SBSPON: variants seen among roughly 807,000 people sequenced by gnomAD.
The protein encoded by SBSPON is somatomedin-B and thrombospondin type-1 domain-containing protein.
Under a neutral mutation model 35.8 loss-of-function variants are expected in SBSPON, and 30 were observed. The ratio of observed to expected loss-of-function variants is 0.84; its 90% confidence interval spans 0.63 to 1.14. The LOEUF is 1.14. Ranked by LOEUF, SBSPON falls within the 50% of genes most tolerant of loss-of-function variation. The probability of loss-of-function intolerance (pLI) is 0.00; values close to 1 mark genes in which losing one functional copy is unlikely to be tolerated. For synonymous variants in SBSPON, 136 were observed against 135.9 expected (o/e 1.00, Z 0.00); for missense variants, 364 against 357.7 (o/e 1.02, Z -0.14).
chr8:73,089,649 G>C (rs1009906640), intron 1 of SBSPON, among the ~76,000 whole-genome samples: 2 of 152,204 alleles, frequency 1.3e-5, no homozygotes, highest in Middle Eastern at 3.4e-3. Flanking sequence ...ATGTATTTAT[G>C]ATTTAATATT....
At chr8:73,091,820 A>C (rs1482406893) in intron 1 of SBSPON, among the ~76,000 whole-genome samples, 1 of 152,220 alleles carries the variant, frequency 6.6e-6, no homozygotes, top group African/African-American at 2.4e-5. Flanking sequence ...CACGGGTTGA[A>C]GCCCTCTTCA....
rs935413048 is a variant in SBSPON, at chr8:73,069,978, G to A, written c.504C>T (p.Tyr168=). ...AGGACTCTGTCTTAAACTCCATACA[G>A]TATCTACAGCAAAAGAAGTAACAAT... ...HWSTHTEDAG[Y]CMEFKTESLT... is the part of the protein sequence containing the mutation. Residue 168 remains tyrosine, a synonymous_variant, in exon 4 of 5, where the codon TAC becomes TAT. Transcript: ENST00000297354. 1 of 1,563,222 alleles carries A rather than the reference G, an allele frequency of 6.4e-7. No homozygotes were observed. Among genetic ancestry groups the A allele is most frequent in the Non-Finnish European group, 8.7e-7 (1 of 1,152,326 alleles).
At chr8:73,081,660 AAG>A (rs1360984018) in intron 1 of SBSPON, among the ~76,000 whole-genome samples, 1 of 152,202 alleles carries the variant, frequency 6.6e-6, no homozygotes, top group Non-Finnish European at 1.5e-5. Flanking sequence ...AAGTATAAAA[AAG>A]AAAATGTACT....
At chr8:73,080,279 C>T (rs1032208192) in intron 2 of SBSPON, among the ~76,000 whole-genome samples, 4 of 152,154 alleles carry the variant, frequency 2.6e-5, no homozygotes, top group African/African-American at 9.7e-5. Context: ...CTTTGGGAGG[C>T]TGAGGCGGGT....
chr8:73,065,907 TCA>T lies in SBSPON; in HGVS notation c.*1432_*1433del, dbSNP rs1810379830. ...TTAAAGTTGCTAGCCTTGATGAGAC[TCA>T]CATATTTTATTATTAATTTCTGAAG... is the stretch of plus-strand genomic sequence containing the variant. On this transcript the variant is annotated 3_prime_UTR_variant, in exon 5 of 5. Coordinates refer to ENST00000297354, the MANE Select transcript of SBSPON (RefSeq NM_153225.4). The T allele has an allele frequency of 6.6e-6, 1 of 152,212 alleles. No individual in the cohort carries two copies. Among genetic ancestry groups the T allele is most frequent in the South Asian group, 2.1e-4 (1 of 4,834 alleles). 9.4% of individuals were successfully genotyped at this position (152,212 alleles called of 1,614,324 possible).
intron 4 of SBSPON, among the ~76,000 whole-genome samples, chr8:73,069,304 A>G (rs572149608): frequency 7.9e-4 from 120 of 151,340 alleles, no homozygotes; most frequent in African/African-American, 2.7e-3. Flanking sequence ...TTTCTTCTGG[A>G]GACAGAGTCT....
intron 1 of SBSPON, 150 bp downstream of exon 1, chr8:73,092,704 G>A: frequency 1.6e-6 from 1 of 611,720 alleles, no homozygotes; most frequent in Non-Finnish European, 2.9e-6. Context: ...GGAGCCGGGC[G>A]TACCTGGATG....
chr8:73,075,150 C>T (rs1810568697), intron 2 of SBSPON, among the ~76,000 whole-genome samples: 1 of 152,222 alleles, frequency 6.6e-6, no homozygotes. Context: ...GCTAGGATTA[C>T]AGGCATCTGC....
intron 2 of SBSPON, among the ~76,000 whole-genome samples, chr8:73,072,710 A>AC (rs749856914): frequency 1.3e-5 from 2 of 152,146 alleles, no homozygotes; most frequent in African/African-American, 2.4e-5. Flanking sequence ...AAAGAAGGTG[A>AC]GTCTTCCCCA....
At chr8:73,070,465 C>T (rs1050008551) in intron 3 of SBSPON, among the ~76,000 whole-genome samples, 4 of 152,174 alleles carry the variant, frequency 2.6e-5, no homozygotes, top group Non-Finnish European at 4.4e-5. Context: ...CGAAAGTACC[C>T]GGGATCTTCC....
intron 1 of SBSPON, among the ~76,000 whole-genome samples, chr8:73,091,322 G>C (rs186495217): frequency 1.7e-3 from 256 of 152,306 alleles, no homozygotes; most frequent in Non-Finnish European, 3.1e-3. Context: ...TTCCAGGTCA[G>C]CTCCTGGATC....
At position 73,070,809 on chromosome 8, in the gene SBSPON, C is replaced by T. The variant is rs888089809; in HGVS notation, c.501-828G>A. Among the ~76,000 whole-genome samples, 6 of 152,274 alleles carry T rather than the reference C, an allele frequency of 3.9e-5. No individual in the cohort carries two copies. In the South Asian group the frequency reaches 8.3e-4, roughly 21 times the overall value. ...ACAGAAACTTGTGGCATTTTCAGTT[C>T]CATGGGCTAATTTCTTACCCATACA... On this transcript the variant is annotated intron_variant, in intron 3 of 4. Coordinates refer to ENST00000297354, the MANE Select transcript of SBSPON (RefSeq NM_153225.4).
chr8:73,074,830 C>T lies in SBSPON; in HGVS notation c.410-2960G>A, dbSNP rs148462543. ...GGGTCACCCTCTGGGTACCATGGCC[C>T]CTGGTATGTGTATAGCCTGCTCATT... On this transcript the variant is annotated intron_variant, in intron 2 of 4. Transcript: ENST00000297354. Among the ~76,000 whole-genome samples, 590 of 152,266 alleles carry T rather than the reference C, an allele frequency of 3.9e-3. 1 individual carries two copies. Among genetic ancestry groups the T allele is most frequent in the Non-Finnish European group, 6.7e-3 (457 of 68,030 alleles).
intron 3 of SBSPON, among the ~76,000 whole-genome samples, chr8:73,070,700 A>G (rs1362850441): frequency 6.6e-6 from 1 of 152,226 alleles, no homozygotes; most frequent in Admixed American, 6.5e-5. Flanking sequence ...TCCAGACATG[A>G]GGAATATTTT....
chr8:73,086,354 G>T (rs538247636), intron 1 of SBSPON, among the ~76,000 whole-genome samples: 1 of 152,196 alleles, frequency 6.6e-6, no homozygotes, highest in African/African-American at 2.4e-5. Context: ...TAGAGATGGG[G>T]TTTTGCCATG....
chr8:73,087,586 A>ACT (rs1328601209), intron 1 of SBSPON, among the ~76,000 whole-genome samples: 1 of 151,802 alleles, frequency 6.6e-6, no homozygotes, highest in African/African-American at 2.4e-5. Context: ...TAAAGCCTCA[A>ACT]CTCTCTAAAT....
chr8:73,085,089 A>G (rs1810798451), intron 1 of SBSPON, among the ~76,000 whole-genome samples: 1 of 152,148 alleles, frequency 6.6e-6, no homozygotes, highest in African/African-American at 2.4e-5. Flanking sequence ...GGCTCCAGCA[A>G]AGGAAGGAAG....
intron 2 of SBSPON, among the ~76,000 whole-genome samples, chr8:73,072,954 C>T (rs1810525630): frequency 1.3e-5 from 2 of 152,266 alleles, no homozygotes; most frequent in South Asian, 4.1e-4. Flanking sequence ...TGTCTCTGCT[C>T]ACTTTAATTC....
In SBSPON at chr8:73,069,963, C is replaced by G. The variant is rs1810461823; in HGVS notation, c.519G>C (p.Lys173Asn). The change falls in exon 4 of 5, where the codon AAG becomes AAC. Residue 173 changes from lysine (K) to asparagine (N), a missense_variant. Transcript: ENST00000297354. ...CACAGTGAGGAGTCAAGGACTCTGT[C>G]TTAAACTCCATACAGTATCTACAGC... ...TEDAGYCMEF[K>N]TESLTPHCAL... 1 of 1,596,338 alleles carries G rather than the reference C, an allele frequency of 6.3e-7. No homozygotes were observed. Among genetic ancestry groups the G allele is most frequent in the East Asian group, 2.2e-5 (1 of 44,696 alleles).
Sources: allele counts gnomAD v4.1 joint callset (sites outside exome capture counted in the v4.1 genomes callset), GRCh38; gene constraint gnomAD v4.1.1; transcripts MANE v1.5; gene names NCBI Gene and HGNC (gene_info 2026-07-23, HGNC 2026-07-21).